CNTNAP5: variants seen among roughly 807,000 people sequenced by gnomAD.
The protein encoded by CNTNAP5 is contactin associated protein family member 5, also known as contactin-associated protein-like 5.
Under a neutral mutation model 150.2 loss-of-function variants are expected in CNTNAP5, and 72 were observed. The ratio of observed to expected loss-of-function variants is 0.48; its 90% CI spans 0.40 to 0.58. CNTNAP5 has a LOEUF of 0.58. Ranked by LOEUF, CNTNAP5 falls within the 20% of genes least tolerant of loss-of-function variation. The pLI is 0.00. For synonymous variants in CNTNAP5, 672 were observed against 619.8 expected (o/e 1.08, Z -1.25); for missense variants, 1,636 against 1,626.2 (o/e 1.01, Z -0.10).
chr2:124,874,345 A>G (rs1323244309), intron 21 of CNTNAP5, among the ~76,000 whole-genome samples: 2 of 152,046 alleles, frequency 1.3e-5, no homozygotes, highest in Non-Finnish European at 2.9e-5. Flanking sequence ...AAACTTGCTT[A>G]TTTCATTTGA....
At position 124,267,336 on chromosome 2, in the gene CNTNAP5, C is replaced by T. The variant is rs902210276; in HGVS notation, c.381+24943C>T. ...CATTTAAAGTAAAAATTCAAATCCT[C>T]ACCTTTGGGGTCATGGTGATTAATT... On this transcript the variant is annotated intron_variant, in intron 3 of 23. Coordinates refer to ENST00000682447, the MANE Select transcript of CNTNAP5 (RefSeq NM_001367498.1). Among the ~76,000 whole-genome samples the T allele has an allele frequency of 1.9e-4, 29 of 152,310 alleles. No homozygotes were observed. In the South Asian group the frequency reaches 5.6e-3, roughly 29 times the overall value.
intron 1 of CNTNAP5, among the ~76,000 whole-genome samples, chr2:124,145,826 A>AG (rs1287201613): frequency 0.09 from 325 of 3,624 alleles, 3 homozygotes; most frequent in South Asian, 0.41. Context: ...AAAAAAAAAA[A>AG]AAGAAGAAAA....
At position 124,169,895 on chromosome 2, in the gene CNTNAP5, A is replaced by G. The variant is rs150944082; in HGVS notation, c.83-51810A>G. ...ATCCTTCAGAGCCTTACTCTTCCAC[A>G]TGCATAATGCGAGGGTAGCCTTCCA... On this transcript the variant is annotated intron_variant, in intron 1 of 23. Transcript: ENST00000682447. 3.5e-3 allele frequency among the ~76,000 whole-genome samples: 528 copies of G among 152,310 alleles called. 2 individuals carry two copies. The highest frequency in any genetic ancestry group is 6.0e-3 in the Non-Finnish European group (410 of 68,036).
At chr2:124,359,335 G>A (rs1449868800) in intron 3 of CNTNAP5, among the ~76,000 whole-genome samples, 1 of 150,862 alleles carries the variant, frequency 6.6e-6, no homozygotes, top group Admixed American at 6.6e-5. Flanking sequence ...GTTATTTCTT[G>A]CCTTCTGCTA....
intron 1 of CNTNAP5, among the ~76,000 whole-genome samples, chr2:124,180,072 T>C (rs936104761): frequency 6.6e-6 from 1 of 152,160 alleles, no homozygotes; most frequent in African/African-American, 2.4e-5. Context: ...TGTAAATATA[T>C]ACAAAAATTT....
At chr2:124,462,856 C>G (rs1291957175) in intron 6 of CNTNAP5, among the ~76,000 whole-genome samples, 3 of 152,186 alleles carry the variant, frequency 2.0e-5, no homozygotes, top group Admixed American at 6.5e-5. Context: ...TCCATTCACG[C>G]CCATACCCCA....
At chr2:124,079,810 A>C (rs902896558) in intron 1 of CNTNAP5, among the ~76,000 whole-genome samples, 2 of 152,112 alleles carry the variant, frequency 1.3e-5, no homozygotes, top group African/African-American at 4.8e-5. Context: ...GCCACTGACA[A>C]ATAGGTTCAA....
chr2:124,831,680 T>C (rs1302261892), intron 19 of CNTNAP5, among the ~76,000 whole-genome samples: 1 of 151,294 alleles, frequency 6.6e-6, no homozygotes, highest in Non-Finnish European at 1.5e-5. Flanking sequence ...TTTAGAAACA[T>C]ATTTCCTTAT....
chr2:124,221,914 C>T (rs546965556), intron 2 of CNTNAP5, 105 bp downstream of exon 2: 18 of 691,552 alleles, frequency 2.6e-5, no homozygotes, highest in Admixed American at 7.1e-5. Flanking sequence ...GTCCAATGGC[C>T]GTCTTCAGGA....
chr2:124,226,983 T>C (rs555164337), intron 2 of CNTNAP5, among the ~76,000 whole-genome samples: 1 of 152,216 alleles, frequency 6.6e-6, no homozygotes, highest in South Asian at 2.1e-4. Context: ...ATTCATGAGG[T>C]CAGAATACTC....
chr2:124,260,196 C>T (rs1485394195), intron 3 of CNTNAP5, among the ~76,000 whole-genome samples: 1 of 152,050 alleles, frequency 6.6e-6, no homozygotes, highest in South Asian at 2.1e-4. Context: ...CAGAACAGAA[C>T]CCTCAGAAAT....
chr2:124,710,450 A>G (rs1274613845), intron 13 of CNTNAP5, among the ~76,000 whole-genome samples: 1 of 152,100 alleles, frequency 6.6e-6, no homozygotes, highest in Admixed American at 6.5e-5. Flanking sequence ...GATTTTCTCT[A>G]TATAAATTTG....
chr2:124,786,423 G>GAAGGAAGA, intron 17 of CNTNAP5, among the ~76,000 whole-genome samples: 1 of 108,218 alleles, frequency 9.2e-6, no homozygotes, highest in East Asian at 2.4e-4. Context: ...AGGAAGGAAG[G>GAAGGAAGA]AAGGAAGGAA....
chr2:124,398,701 G>C (rs1691326625), intron 3 of CNTNAP5, among the ~76,000 whole-genome samples: 1 of 152,086 alleles, frequency 6.6e-6, no homozygotes, highest in Non-Finnish European at 1.5e-5. Context: ...GGCTGGTCTT[G>C]AACTCCCGAC....
chr2:124,299,021 G>A (rs577817654), intron 3 of CNTNAP5, among the ~76,000 whole-genome samples: 66 of 152,112 alleles, frequency 4.3e-4, no homozygotes, highest in African/African-American at 1.1e-3. Context: ...AATAAGTCTC[G>A]CAGACAATTT....
intron 13 of CNTNAP5, among the ~76,000 whole-genome samples, chr2:124,664,070 G>C (rs756389495): frequency 1.3e-4 from 20 of 152,112 alleles, no homozygotes; most frequent in Admixed American, 2.6e-4. Flanking sequence ...GCACAAAGTA[G>C]GTCTCCCTCC....
At chr2:124,896,462 G>A (rs1678306839) in intron 21 of CNTNAP5, among the ~76,000 whole-genome samples, 1 of 151,544 alleles carries the variant, frequency 6.6e-6, no homozygotes, top group Non-Finnish European at 1.5e-5. Context: ...AAAGCAAGAA[G>A]GGGAGGACAG....
At chr2:124,683,935 C>A (rs1573545872) in intron 13 of CNTNAP5, among the ~76,000 whole-genome samples, 1 of 152,088 alleles carries the variant, frequency 6.6e-6, no homozygotes, top group African/African-American at 2.4e-5. Flanking sequence ...TTGTGAAATA[C>A]CACCTTGGAC....
At chr2:124,326,936 CT>C (rs1689234015) in intron 3 of CNTNAP5, among the ~76,000 whole-genome samples, 1 of 148,510 alleles carries the variant, frequency 6.7e-6, no homozygotes, top group African/African-American at 2.5e-5. Flanking sequence ...GATTGTACCA[CT>C]GCACTACAGC....
Sources: allele counts gnomAD v4.1 joint callset (sites outside exome capture counted in the v4.1 genomes callset), GRCh38; gene constraint gnomAD v4.1.1; transcripts MANE v1.5; gene names NCBI Gene and HGNC (gene_info 2026-07-23, HGNC 2026-07-21).